Variants in DPP10 observed in about 807,000 individuals in gnomAD.
DPP10 encodes inactive dipeptidyl peptidase 10.
In DPP10, 33 loss-of-function variants were observed where a neutral mutation model predicts 120.9. The ratio of observed to expected loss-of-function variants is 0.27; its 90% CI spans 0.21 to 0.37. The LOEUF is 0.37. Among genes scored for constraint, DPP10 ranks in the 10% least tolerant of loss-of-function variants. DPP10 has a pLI of 1.00. For synonymous variants in DPP10, 337 were observed against 326.1 expected (o/e 1.03, Z -0.36); for missense variants, 816 against 942.8 (o/e 0.87, Z 1.76).
At chr2:114,542,878 G>A (rs1244382006) in intron 1 of DPP10, among the ~76,000 whole-genome samples, 1 of 152,280 alleles carries the variant, frequency 6.6e-6, no homozygotes, top group Non-Finnish European at 1.5e-5. Flanking sequence ...CTTAGGATGA[G>A]ATCTTTCTTA....
At chr2:115,628,249 T>G (rs2085529018) in intron 5 of DPP10, among the ~76,000 whole-genome samples, 1 of 152,210 alleles carries the variant, frequency 6.6e-6, no homozygotes, top group South Asian at 2.1e-4. Context: ...TGGTTCTGAT[T>G]TACGTTTCTC....
chr2:114,859,731 C>G (rs572080600), intron 1 of DPP10, among the ~76,000 whole-genome samples: 1 of 152,172 alleles, frequency 6.6e-6, no homozygotes, highest in Admixed American at 6.5e-5. Flanking sequence ...TATCTGGGAT[C>G]TTTTTCCTCC....
chr2:115,084,009 T>C (rs1415406776), intron 1 of DPP10, among the ~76,000 whole-genome samples: 1 of 152,192 alleles, frequency 6.6e-6, no homozygotes, highest in East Asian at 1.9e-4. Flanking sequence ...TTCTTTCAGG[T>C]GTCTTTGTAT....
chr2:114,920,909 ATCT>A (rs1695151984), intron 1 of DPP10, among the ~76,000 whole-genome samples: 1 of 152,132 alleles, frequency 6.6e-6, no homozygotes, highest in African/African-American at 2.4e-5. Flanking sequence ...GACACAGAAA[ATCT>A]TCTCATCAGG....
chr2:114,611,663 CTGATT>C (rs1693297968), intron 1 of DPP10, among the ~76,000 whole-genome samples: 1 of 152,186 alleles, frequency 6.6e-6, no homozygotes, highest in Admixed American at 6.5e-5. Context: ...ATGTTTCACT[CTGATT>C]TATTTCACTT....
chr2:114,824,892 A>T (rs1686396046), intron 1 of DPP10, among the ~76,000 whole-genome samples: 1 of 152,176 alleles, frequency 6.6e-6, no homozygotes, highest in African/African-American at 2.4e-5. Context: ...TGTTGTAGGT[A>T]AAGGAGACAC....
At chr2:115,370,153 C>T (rs928947704) in intron 3 of DPP10, among the ~76,000 whole-genome samples, 5 of 152,112 alleles carry the variant, frequency 3.3e-5, no homozygotes, top group African/African-American at 4.8e-5. Flanking sequence ...ATATGTTTAA[C>T]TGAAATCTCC....
chr2:115,612,501 A>G (rs988528846), intron 5 of DPP10, among the ~76,000 whole-genome samples: 3 of 152,160 alleles, frequency 2.0e-5, no homozygotes, highest in African/African-American at 7.2e-5. Flanking sequence ...TTGCATTTAC[A>G]TATTTCTTCC....
intron 12 of DPP10, among the ~76,000 whole-genome samples, chr2:115,767,502 C>T (rs1018587079): frequency 2.8e-5 from 4 of 143,116 alleles, no homozygotes; most frequent in African/African-American, 1.0e-4. Flanking sequence ...TATATATATA[C>T]ACATAGTGTG....
At chr2:115,678,680 C>T (rs926146345) in intron 5 of DPP10, among the ~76,000 whole-genome samples, 4 of 152,198 alleles carry the variant, frequency 2.6e-5, no homozygotes, top group African/African-American at 7.2e-5. Flanking sequence ...AAGAGGGCCA[C>T]TGTCCTCCAG....
At chr2:114,807,153 G>T (rs1225524694) in intron 1 of DPP10, among the ~76,000 whole-genome samples, 1 of 151,968 alleles carries the variant, frequency 6.6e-6, no homozygotes, top group African/African-American at 2.4e-5. Flanking sequence ...GAACACTCTA[G>T]TAGCTATTAT....
chr2:115,832,600 G>C (rs1380639193), intron 21 of DPP10, among the ~76,000 whole-genome samples: 2 of 152,102 alleles, frequency 1.3e-5, no homozygotes, highest in African/African-American at 4.8e-5. Context: ...TTATTCAACA[G>C]CTTTTATTAT....
At chr2:114,999,081 T>C (rs1416863966) in intron 1 of DPP10, among the ~76,000 whole-genome samples, 1 of 152,206 alleles carries the variant, frequency 6.6e-6, no homozygotes, top group East Asian at 1.9e-4. Context: ...GGTGCAGTTG[T>C]AGTGTAAGAA....
intron 12 of DPP10, among the ~76,000 whole-genome samples, chr2:115,766,492 A>G (rs1357915451): frequency 6.6e-6 from 1 of 151,654 alleles, no homozygotes; most frequent in African/African-American, 2.4e-5. Context: ...TTTGCCATTA[A>G]GAGTAATGGT....
chr2:115,332,397 T>C (rs1382934130), intron 2 of DPP10, among the ~76,000 whole-genome samples: 2 of 152,196 alleles, frequency 1.3e-5, no homozygotes, highest in African/African-American at 4.8e-5. Flanking sequence ...ATTGACTTTT[T>C]GAAGGGTTTT....
chr2:115,208,717 C>G (rs1294531328), intron 1 of DPP10, among the ~76,000 whole-genome samples: 2 of 152,030 alleles, frequency 1.3e-5, no homozygotes, highest in African/African-American at 4.8e-5. Context: ...GAGAAATGGA[C>G]AAGGTTGTGG....
intron 1 of DPP10, among the ~76,000 whole-genome samples, chr2:114,866,112 A>AAAAT (rs10650348): frequency 0.27 from 38,080 of 141,438 alleles, 5,324 homozygotes; most frequent in Admixed American, 0.34. Flanking sequence ...CTCTGTCTCA[A>AAAAT]AAATAAATAA....
At chr2:115,399,378 C>T (rs996490522) in intron 3 of DPP10, among the ~76,000 whole-genome samples, 12 of 152,048 alleles carry the variant, frequency 7.9e-5, no homozygotes, top group Admixed American at 2.0e-4. Flanking sequence ...TCTTGATAGG[C>T]TTTTTATAAT....
intron 1 of DPP10, among the ~76,000 whole-genome samples, chr2:114,619,467 A>G (rs1693927605): frequency 6.6e-6 from 1 of 151,778 alleles, no homozygotes; most frequent in Non-Finnish European, 1.5e-5. Flanking sequence ...AATGTCTTCA[A>G]CATTTTTCCA....
Sources: gnomAD v4.1 joint callset for allele counts (sites outside exome capture counted in the v4.1 genomes callset) on GRCh38, gnomAD v4.1.1 for gene constraint, MANE v1.5 for transcripts, NCBI Gene and HGNC (gene_info 2026-07-23, HGNC 2026-07-21) for gene names.